Variants in SORD observed in about 807,000 individuals in gnomAD.
SORD encodes sorbitol dehydrogenase.
A neutral mutation model predicts 35.6 loss-of-function variants in SORD; 18 were observed. That is an observed-to-expected ratio of 0.51 (90% CI 0.35 to 0.75). The LOEUF (loss-of-function observed/expected upper bound fraction) is 0.75. Among genes scored for constraint, SORD ranks in the 30% least tolerant of loss-of-function variants. The pLI is 0.01. For synonymous variants in SORD, 106 were observed against 152.9 expected (o/e 0.69, Z 2.26); for missense variants, 250 against 390.2 (o/e 0.64, Z 3.03).
chr15:45,077,108 TG>T lies in SORD; in HGVS notation c.*3579del, dbSNP rs1893588125. On this transcript the variant is annotated 3_prime_UTR_variant, in exon 9 of 9. Transcript: ENST00000267814. ...ATAGACTATCATTTATAAAGCAAAT[TG>T]CAGTATTTTGAGTGTTTGGATAGTT... 1.4e-5 allele frequency: 2 copies of T among 147,588 alleles called. No individual in the cohort carries two copies. The highest frequency in any genetic ancestry group is 6.6e-5 in the Admixed American group (1 of 15,106). The allele number at this position is 147,588 out of a possible 1,614,324, so 9.1% of individuals were successfully genotyped here.
chr15:45,034,583 G>T (rs2141265526), intron 1 of SORD, among the ~76,000 whole-genome samples: 1 of 152,382 alleles, frequency 6.6e-6, no homozygotes, highest in East Asian at 1.9e-4. Flanking sequence ...AGTACTTCCT[G>T]AAGTATTTCC....
At chr15:45,030,933 A>G (rs1348288869) in intron 1 of SORD, among the ~76,000 whole-genome samples, 1 of 152,270 alleles carries the variant, frequency 6.6e-6, no homozygotes, top group Non-Finnish European at 1.5e-5. Context: ...GACTCCGACC[A>G]GGAGCCCAGA....
chr15:45,065,330 T>C lies in SORD; in HGVS notation c.485T>C (p.Ile162Thr). 6.2e-7 allele frequency: 1 copy of C among 1,613,978 alleles called. No individual in the cohort carries two copies. Among genetic ancestry groups the C allele is most frequent in the Non-Finnish European group, 8.5e-7 (1 of 1,179,886 alleles). ...CTGATCGAGCCACTTTCTGTGGGGA[T>C]CCATGCCTGCAGGAGAGGCGGAGTT... ...GALIEPLSVGIHACRRGGVTL... is the reference protein window; with the variant it reads ...GALIEPLSVGTHACRRGGVTL... The change falls in exon 5 of 9, where the codon ATC (isoleucine) becomes ACC (threonine). Residue 162 changes from isoleucine (I) to threonine (T), a missense_variant. Coordinates refer to ENST00000267814, the MANE Select transcript of SORD (RefSeq NM_003104.6).
intron 1 of SORD, among the ~76,000 whole-genome samples, chr15:45,027,776 T>C (rs990255648): frequency 6.6e-6 from 1 of 152,226 alleles, no homozygotes; most frequent in African/African-American, 2.4e-5. Context: ...ATAGTCAAAT[T>C]AGTTTTTACC....
chr15:45,036,192 G>GT, intron 1 of SORD: 1 of 379,350 alleles, frequency 2.6e-6, no homozygotes, highest in Non-Finnish European at 5.1e-6. Flanking sequence ...TTTAGGAACT[G>GT]TAACACTCAA....
In SORD at chr15:45,073,488, G is replaced by A. The variant is rs747621431; in HGVS notation, c.1032G>A (p.Leu344=). 4 of 1,553,584 alleles carry A rather than the reference G, an allele frequency of 2.6e-6. No individual in the cohort carries two copies. In the Admixed American group the frequency reaches 8.2e-5, roughly 32 times the overall value. The change falls in exon 9 of 9, where the codon TTG becomes TTA. Residue 344 remains leucine (L), a synonymous_variant. Transcript: ENST00000267814. The part of the protein sequence containing the change: ...AFETFKKGLG[L]KIMLKCDPSD... ...AAACATTTAAAAAGGGATTGGGGTT[G>A]AAAATCATGCTCAAGTGTGACCCCA...
At chr15:45,034,611 T>G (rs1341930141) in intron 1 of SORD, among the ~76,000 whole-genome samples, 2 of 152,132 alleles carry the variant, frequency 1.3e-5, no homozygotes, top group African/African-American at 4.8e-5. Flanking sequence ...ACTTCAGGAG[T>G]GGGCTGGTAG....
intron 3 of SORD, among the ~76,000 whole-genome samples, chr15:45,055,210 G>A (rs970493879): frequency 1.6e-4 from 25 of 152,182 alleles, no homozygotes; most frequent in Middle Eastern, 3.4e-3. Flanking sequence ...GATGGGGATG[G>A]CATTGAATCT....
At chr15:45,024,303 C>A (rs1301691887) in intron 1 of SORD, among the ~76,000 whole-genome samples, 1 of 152,184 alleles carries the variant, frequency 6.6e-6, no homozygotes, top group Non-Finnish European at 1.5e-5. Flanking sequence ...AATTCAGAAG[C>A]TTATCCAGGT....
chr15:45,070,724 T>A (rs1273637601), intron 7 of SORD: 4 of 152,172 alleles, frequency 2.6e-5, no homozygotes, highest in African/African-American at 9.7e-5. Context: ...CATGAGTAGG[T>A]TGCATCTGCT....
At chr15:45,040,346 A>G in intron 1 of SORD, 62 bp from the exon 2 acceptor site, 1 of 966,932 alleles carries the variant, frequency 1.0e-6, no homozygotes, top group Non-Finnish European at 1.6e-6. Context: ...TTTAATGGAA[A>G]ATGTTCATAA....
chr15:45,056,519 C>G (rs1893219682), intron 3 of SORD, among the ~76,000 whole-genome samples: 1 of 152,204 alleles, frequency 6.6e-6, no homozygotes, highest in South Asian at 2.1e-4. Context: ...ATTCCATGCT[C>G]ATGGGTAGGA....
intron 1 of SORD, among the ~76,000 whole-genome samples, chr15:45,023,912 A>G (rs1372856720): frequency 6.6e-6 from 1 of 152,164 alleles, no homozygotes. Context: ...CCATCTCCAG[A>G]ACCCCTGCTG....
At chr15:45,069,246 G>C (rs1397423019) in intron 7 of SORD, among the ~76,000 whole-genome samples, 194 bp downstream of exon 7, 3 of 114,864 alleles carry the variant, frequency 2.6e-5, no homozygotes, top group African/African-American at 1.0e-4. Context: ...TCACTCAGTC[G>C]CCCAGGCTGG....
intron 3 of SORD, among the ~76,000 whole-genome samples, chr15:45,053,049 G>A (rs1457383986): frequency 2.0e-5 from 3 of 152,174 alleles, no homozygotes; most frequent in African/African-American, 7.2e-5. Flanking sequence ...AAGAGATACT[G>A]TCTCTTTTGG....
intron 1 of SORD, 89 bp downstream of exon 1, chr15:45,023,438 T>C: frequency 8.4e-7 from 1 of 1,184,290 alleles, no homozygotes; most frequent in Non-Finnish European, 1.1e-6. Flanking sequence ...ACTTCCAGCC[T>C]GGCGCCGGCC....
intron 1 of SORD, among the ~76,000 whole-genome samples, chr15:45,036,518 T>C (rs7402037): frequency 0.047 from 7,176 of 151,974 alleles, 210 homozygotes; most frequent in South Asian, 0.12. Flanking sequence ...ATGGTGAAAC[T>C]CCGTCTCTAC....
At position 45,073,588 on chromosome 15, in the gene SORD, G is replaced by C; in HGVS notation, c.*58G>C. 6.4e-7 allele frequency: 1 copy of C among 1,554,354 alleles called. No homozygotes were observed. The highest frequency in any genetic ancestry group is 1.2e-5 in the South Asian group (1 of 83,882). On this transcript the variant is annotated 3_prime_UTR_variant, in exon 9 of 9. Coordinates refer to ENST00000267814, the MANE Select transcript of SORD (RefSeq NM_003104.6). ...TTGGGATCTCAGGGCACAATGGCTG[G>C]ACATGGGTGGGCTCTGATGCAGAAC...
At chr15:45,045,585 A>G (rs1893035564) in intron 3 of SORD, among the ~76,000 whole-genome samples, 1 of 151,542 alleles carries the variant, frequency 6.6e-6, no homozygotes, top group African/African-American at 2.4e-5. Context: ...AGTGAACAAC[A>G]AAATTACAGA....
Sources: allele counts gnomAD v4.1 joint callset (sites outside exome capture counted in the v4.1 genomes callset), GRCh38; gene constraint gnomAD v4.1.1; transcripts MANE v1.5; gene names NCBI Gene and HGNC (gene_info 2026-07-23, HGNC 2026-07-21).